The following ASPH variants were observed in gnomAD, a reference collection of about 807,000 sequenced individuals.
The protein encoded by ASPH is aspartate beta-hydroxylase.
In ASPH, 100 loss-of-function variants were observed where a neutral mutation model predicts 118.4. That is an observed-to-expected ratio of 0.84 (90% CI 0.72 to 1.00). The LOEUF (loss-of-function observed/expected upper bound fraction) is 1.00, where lower values mean the gene tolerates loss of function less well. Among genes scored for constraint, ASPH ranks in the 50% least tolerant of loss-of-function variants. The pLI is 0.00. For missense variants in ASPH, 920 were observed against 919.5 expected, an observed-to-expected ratio of 1.00 and a Z score of -0.01; for synonymous variants, 315 against 325.6, an observed-to-expected ratio of 0.97 and a Z score of 0.35.
intron 1 of ASPH, among the ~76,000 whole-genome samples, chr8:61,688,844 T>A (rs531827547): frequency 1.3e-5 from 2 of 152,322 alleles, no homozygotes; most frequent in Admixed American, 1.3e-4. Flanking sequence ...CTCATATTCT[T>A]CTTCATGGCT....
chr8:61,689,784 A>G, intron 1 of ASPH: 1 of 1,506,358 alleles, frequency 6.6e-7, no homozygotes, highest in Non-Finnish European at 8.9e-7. Flanking sequence ...GGCACACTGC[A>G]TGCACTTGCC....
At chr8:61,619,160 C>T (rs949346794) in intron 13 of ASPH, 141 bp from the exon 14 acceptor site, 1 of 575,408 alleles carries the variant, frequency 1.7e-6, no homozygotes, top group Non-Finnish European at 2.9e-6. Context: ...TTTCCTAAAT[C>T]CTGAATTCAT....
chr8:61,533,277 G>A (rs1181239921), intron 21 of ASPH, among the ~76,000 whole-genome samples: 1 of 151,834 alleles, frequency 6.6e-6, no homozygotes, highest in Non-Finnish European at 1.5e-5. Flanking sequence ...TCTTATTTCT[G>A]CAAATCACAC....
At chr8:61,632,031 G>A (rs533151711) in intron 13 of ASPH, 2 of 152,442 alleles carry the variant, frequency 1.3e-5, no homozygotes. Flanking sequence ...GGTAGATCTT[G>A]ATCTACCTCT....
At chr8:61,565,336 A>G (rs1410601009) in intron 17 of ASPH, among the ~76,000 whole-genome samples, 2 of 152,212 alleles carry the variant, frequency 1.3e-5, no homozygotes, top group Non-Finnish European at 2.9e-5. Flanking sequence ...AAATTTCCAC[A>G]GATAATTTCA....
At chr8:61,671,410 T>A (rs1223309995) in intron 3 of ASPH, among the ~76,000 whole-genome samples, 1 of 152,166 alleles carries the variant, frequency 6.6e-6, no homozygotes, top group African/African-American at 2.4e-5. Context: ...TCAAAAATAG[T>A]TTCCAAGTAG....
chr8:61,690,341 T>A (rs1832256408), intron 1 of ASPH, among the ~76,000 whole-genome samples: 1 of 152,120 alleles, frequency 6.6e-6, no homozygotes, highest in South Asian at 2.1e-4. Context: ...ATAAAATGTT[T>A]CACTAGAAAA....
At chr8:61,600,293 G>A (rs983413201) in intron 14 of ASPH, among the ~76,000 whole-genome samples, 1 of 151,770 alleles carries the variant, frequency 6.6e-6, no homozygotes, top group Non-Finnish European at 1.5e-5. Context: ...GAGAAAAGCA[G>A]AAAGCCTTTC....
rs571969138 is a variant in ASPH at position 61,547,407 on chromosome 8, G to C, written c.1764+664C>G. Reference sequence around the variant, plus strand: ...AAGTGTGTTTCAAGGACATCTGAGAGTTCTCTAGACCCTTTTAGGGGCTCT... The same window carrying C: ...AAGTGTGTTTCAAGGACATCTGAGACTTCTCTAGACCCTTTTAGGGGCTCT... On this transcript the variant is annotated intron_variant, in intron 21 of 24. Coordinates refer to ENST00000379454, the MANE Select transcript of ASPH (RefSeq NM_004318.4). Among the ~76,000 whole-genome samples, 3 of 152,326 alleles carry C rather than the reference G, an allele frequency of 2.0e-5. No homozygotes were observed. The South Asian group carries it at 6.2e-4, about 32-fold the overall frequency.
intron 3 of ASPH, among the ~76,000 whole-genome samples, chr8:61,677,013 T>G (rs1412536629): frequency 6.6e-6 from 1 of 152,158 alleles, no homozygotes; most frequent in Non-Finnish European, 1.5e-5. Flanking sequence ...AACTGACTCA[T>G]GGTCCTGTAA....
chr8:61,665,218 A>C, intron 3 of ASPH: 1 of 1,538,952 alleles, frequency 6.5e-7, no homozygotes, highest in Non-Finnish European at 8.7e-7. Flanking sequence ...AATCTGGAAC[A>C]TGACCATGTT....
In ASPH at chr8:61,619,039, C is replaced by G; in HGVS notation, c.935-20G>C. 6.4e-7 allele frequency: 1 copy of G among 1,559,996 alleles called. No individual in the cohort carries two copies. The highest frequency in any genetic ancestry group is 1.1e-5 in the South Asian group (1 of 89,086). ...TTGTTTCTGAAAATTAAAGACAAAA[C>G]ATAGTAAGTACTATGCAAGTCACCA... is the stretch of plus-strand genomic sequence containing the variant. On this transcript the variant is annotated intron_variant, in intron 13 of 24. Coordinates refer to ENST00000379454, the MANE Select transcript of ASPH (RefSeq NM_004318.4).
At chr8:61,676,017 G>T in intron 3 of ASPH, 2 of 1,584,704 alleles carry the variant, frequency 1.3e-6, no homozygotes, top group African/African-American at 1.4e-5. Flanking sequence ...GGAAAGAAAA[G>T]AAAAAGGAGG....
At chr8:61,538,495 T>C (rs2130191611) in intron 21 of ASPH, among the ~76,000 whole-genome samples, 1 of 152,344 alleles carries the variant, frequency 6.6e-6, no homozygotes, top group South Asian at 2.1e-4. Context: ...AATCTGACAT[T>C]TTTGCTTTCT....
chr8:61,596,565 CAGAGCCT>C (rs1842566239), intron 14 of ASPH, among the ~76,000 whole-genome samples: 1 of 152,250 alleles, frequency 6.6e-6, no homozygotes, highest in South Asian at 2.1e-4. Flanking sequence ...CAGTCCCCAG[CAGAGCCT>C]CACCACAGCC....
intron 21 of ASPH, among the ~76,000 whole-genome samples, chr8:61,529,518 G>A (rs1816777227): frequency 1.3e-5 from 2 of 152,176 alleles, no homozygotes; most frequent in Admixed American, 6.5e-5. Context: ...CAAACCAGGG[G>A]CCTTTAGGGG....
At chr8:61,514,121 C>A (rs188677965) in intron 24 of ASPH, among the ~76,000 whole-genome samples, 2 of 152,032 alleles carry the variant, frequency 1.3e-5, no homozygotes, top group East Asian at 1.9e-4. Flanking sequence ...ACTGGAGGCC[C>A]ATGCCACCAT....
At chr8:61,710,693 T>C (rs1279705849) in intron 1 of ASPH, among the ~76,000 whole-genome samples, 1 of 152,184 alleles carries the variant, frequency 6.6e-6, no homozygotes, top group Non-Finnish European at 1.5e-5. Context: ...TATGTTTTCA[T>C]CTTAGAATGA....
intron 3 of ASPH, chr8:61,661,912 T>G (rs1047340078): frequency 6.5e-6 from 3 of 460,822 alleles, no homozygotes; most frequent in Non-Finnish European, 1.2e-5. Flanking sequence ...ATCATCTATA[T>G]ACAATGCAAA....
Sources: gnomAD v4.1 joint callset for allele counts (sites outside exome capture counted in the v4.1 genomes callset) on GRCh38, gnomAD v4.1.1 for gene constraint, MANE v1.5 for transcripts, NCBI Gene and HGNC (gene_info 2026-07-23, HGNC 2026-07-21) for gene names.